CACNA1E: variants seen among roughly 807,000 people sequenced by gnomAD.
The protein encoded by CACNA1E is voltage-dependent R-type calcium channel subunit alpha-1E.
In CACNA1E, 40 loss-of-function variants were observed where a neutral mutation model predicts 259.2. The ratio of observed to expected loss-of-function variants is 0.15; its 90% CI spans 0.12 to 0.20. The LOEUF is 0.20. Among genes scored for constraint, CACNA1E ranks in the 10% least tolerant of loss-of-function variants. The pLI is 1.00. For missense variants in CACNA1E, 1,874 were observed against 3,040.1 expected, an observed-to-expected ratio of 0.62 and a Z score of 9.02; for synonymous variants, 1,104 against 1,138.5, an observed-to-expected ratio of 0.97 and a Z score of 0.61.
At chr1:181,713,749 C>T (rs574734083) in intron 8 of CACNA1E, among the ~76,000 whole-genome samples, 1 of 152,310 alleles carries the variant, frequency 6.6e-6, no homozygotes, top group East Asian at 1.9e-4. Flanking sequence ...AGCTCAAACT[C>T]ATCCCGTTAC....
chr1:181,665,713 G>A (rs528642332), intron 7 of CACNA1E, among the ~76,000 whole-genome samples: 17 of 151,938 alleles, frequency 1.1e-4, no homozygotes, highest in Admixed American at 1.1e-3. Context: ...ACATCAGATT[G>A]TACCCCATAA....
intron 1 of CACNA1E, among the ~76,000 whole-genome samples, chr1:181,385,277 A>G (rs1173474501): frequency 6.6e-6 from 1 of 152,248 alleles, no homozygotes; most frequent in Non-Finnish European, 1.5e-5. Context: ...GAGTGCAAGT[A>G]ATAAAAATCA....
chr1:181,449,045 A>G (rs1182506016), intron 2 of CACNA1E, among the ~76,000 whole-genome samples: 1 of 152,198 alleles, frequency 6.6e-6, no homozygotes, highest in Non-Finnish European at 1.5e-5. Flanking sequence ...AGGAGATAGG[A>G]TGGGGCAGAT....
At chr1:181,601,331 C>T (rs1653723133) in intron 6 of CACNA1E, among the ~76,000 whole-genome samples, 1 of 152,126 alleles carries the variant, frequency 6.6e-6, no homozygotes. Flanking sequence ...TTATTGAGGG[C>T]CTGCCATGTG....
In CACNA1E at chr1:181,733,716, C is replaced by T. The variant is rs368045905; in HGVS notation, c.3228C>T (p.Asp1076=). ...CCAGCGTCACCGTCGCCATCCCCGA[C>T]GTGGACCCCTTGGTGGACTCAACCG... is the stretch of plus-strand genomic sequence containing the variant. ...ESTSVTVAIP[D]VDPLVDSTVV... The change falls in exon 21 of 48, where the codon GAC becomes GAT. Residue 1076 remains aspartate (D), a synonymous_variant. Coordinates refer to ENST00000367573, the MANE Select transcript of CACNA1E (RefSeq NM_001205293.3). 9.9e-5 allele frequency: 156 copies of T among 1,583,720 alleles called. No individual in the cohort carries two copies. Among genetic ancestry groups the T allele is most frequent in the Non-Finnish European group, 1.3e-4 (147 of 1,164,474 alleles).
chr1:181,518,608 G>A (rs1313463339), intron 3 of CACNA1E, among the ~76,000 whole-genome samples: 1 of 152,220 alleles, frequency 6.6e-6, no homozygotes, highest in Non-Finnish European at 1.5e-5. Context: ...GACTCCTAGT[G>A]AGAGTGCCAG....
At chr1:181,675,646 A>G (rs1048112991) in intron 7 of CACNA1E, among the ~76,000 whole-genome samples, 24 of 152,232 alleles carry the variant, frequency 1.6e-4, no homozygotes, top group Admixed American at 1.6e-3. Flanking sequence ...CAAAAGGGAA[A>G]GAATTAAAAT....
chr1:181,553,730 A>G (rs1339263862), intron 3 of CACNA1E, among the ~76,000 whole-genome samples: 1 of 152,214 alleles, frequency 6.6e-6, no homozygotes, highest in East Asian at 1.9e-4. Context: ...AGAATTTATC[A>G]AAGGCCTTTT....
At chr1:181,619,653 A>G (rs1302749824) in intron 6 of CACNA1E, among the ~76,000 whole-genome samples, 4 of 152,138 alleles carry the variant, frequency 2.6e-5, no homozygotes, top group African/African-American at 9.7e-5. Flanking sequence ...GTGAGAGATG[A>G]TGGTGGCTTA....
intron 1 of CACNA1E, among the ~76,000 whole-genome samples, chr1:181,494,271 A>T (rs192042769): frequency 2.0e-4 from 31 of 152,118 alleles, no homozygotes; most frequent in Admixed American, 1.0e-3. Context: ...TATTAACATC[A>T]GCATTTAACA....
chr1:181,785,444 G>A, intron 42 of CACNA1E, 26 bp downstream of exon 42: 2 of 1,490,772 alleles, frequency 1.3e-6, no homozygotes, highest in Non-Finnish European at 1.9e-6. Context: ...AGCATGCTAA[G>A]TGGGTGGGCC....
intron 25 of CACNA1E, among the ~76,000 whole-genome samples, chr1:181,739,884 AT>A (rs796759212): frequency 3.2e-4 from 48 of 152,164 alleles, no homozygotes; most frequent in Admixed American, 8.5e-4. Flanking sequence ...TATTTGTGGG[AT>A]TTTTTTCCCC....
At chr1:181,711,125 G>A (rs975061673) in intron 8 of CACNA1E, 56 bp downstream of exon 8, 44 of 1,164,348 alleles carry the variant, frequency 3.8e-5, no homozygotes, top group Middle Eastern at 2.0e-4. Context: ...CATCAGGGCC[G>A]GCCCCTCACT....
intron 3 of CACNA1E, among the ~76,000 whole-genome samples, chr1:181,554,012 A>G (rs1648463321): frequency 6.6e-6 from 1 of 151,986 alleles, no homozygotes; most frequent in African/African-American, 2.4e-5. Flanking sequence ...CAGTATTTGA[A>G]TTTAGTGTTT....
chr1:181,739,106 C>A, intron 24 of CACNA1E, 41 bp from the exon 25 acceptor site: 2 of 1,237,410 alleles, frequency 1.6e-6, no homozygotes, highest in Non-Finnish European at 2.4e-6. Context: ...GTGTTGCCCA[C>A]ACTTTCTTGG....
intron 7 of CACNA1E, among the ~76,000 whole-genome samples, chr1:181,663,947 A>G (rs1314635538): frequency 6.6e-6 from 1 of 152,222 alleles, no homozygotes; most frequent in Non-Finnish European, 1.5e-5. Context: ...AATCACTTCT[A>G]AAGGATTGTT....
At chr1:181,620,804 T>G (rs1004525634) in intron 6 of CACNA1E, among the ~76,000 whole-genome samples, 2 of 152,216 alleles carry the variant, frequency 1.3e-5, no homozygotes, top group African/African-American at 4.8e-5. Context: ...CAGGAAAGGC[T>G]CATTCACATA....
At chr1:181,533,155 A>G (rs1309102299) in intron 3 of CACNA1E, among the ~76,000 whole-genome samples, 1 of 152,042 alleles carries the variant, frequency 6.6e-6, no homozygotes, top group African/African-American at 2.4e-5. Flanking sequence ...GAGACAGGAT[A>G]TGAATAAAAT....
chr1:181,622,777 GT>G (rs759438765), intron 6 of CACNA1E, among the ~76,000 whole-genome samples: 35 of 152,174 alleles, frequency 2.3e-4, no homozygotes, highest in Admixed American at 5.2e-4. Context: ...TTGTCCTGTT[GT>G]CCTTGCTCTC....
Sources: allele counts gnomAD v4.1 joint callset (sites outside exome capture counted in the v4.1 genomes callset), GRCh38; gene constraint gnomAD v4.1.1; transcripts MANE v1.5; gene names NCBI Gene and HGNC (gene_info 2026-07-23, HGNC 2026-07-21).